HCN1: variants seen among roughly 807,000 people sequenced by gnomAD.
HCN1 encodes hyperpolarization activated cyclic nucleotide gated potassium channel 1, also known as potassium/sodium hyperpolarization-activated cyclic nucleotide-gated channel 1.
Under a neutral mutation model 78.9 loss-of-function variants are expected in HCN1, and 13 were observed. The ratio of observed to expected loss-of-function variants is 0.16; its 90% CI spans 0.11 to 0.26. The LOEUF is 0.26. Ranked by LOEUF, HCN1 falls within the 10% of genes least tolerant of loss-of-function variation. The pLI is 1.00. For synonymous variants in HCN1, 552 were observed against 455.5 expected, an observed-to-expected ratio of 1.21 and a Z score of -2.70; for missense variants, 810 against 1,154.3, an observed-to-expected ratio of 0.70 and a Z score of 4.32.
rs571015320 is a variant in HCN1, at chr5:45,430,071, A to C, written c.1011+31775T>G. The stretch of plus-strand genomic sequence containing the variant: ...AAAGAAATACAAACACAAAACAAAA[A>C]TCTTCCAATATATTATTTCTTATAA... On this transcript the variant is annotated intron_variant, in intron 3 of 7. Transcript: ENST00000303230. Among the ~76,000 whole-genome samples, 193 of 152,304 alleles carry C rather than the reference A, an allele frequency of 1.3e-3. 1 individual carries two copies. The highest frequency in any genetic ancestry group is 4.5e-3 in the African/African-American group (188 of 41,562).
chr5:45,441,421 G>A (rs1414132750), intron 3 of HCN1, among the ~76,000 whole-genome samples: 2 of 150,620 alleles, frequency 1.3e-5, no homozygotes, highest in East Asian at 3.9e-4. Flanking sequence ...AGGGAGGGAG[G>A]GAGGGAGGGA....
At chr5:45,514,214 T>C (rs559571604) in intron 2 of HCN1, among the ~76,000 whole-genome samples, 31 of 152,176 alleles carry the variant, frequency 2.0e-4, no homozygotes, top group Admixed American at 3.9e-4. Context: ...TGAATTCTGA[T>C]TGAAAACCTA....
At chr5:45,304,690 AT>A (rs1271933046) in intron 5 of HCN1, among the ~76,000 whole-genome samples, 4 of 152,252 alleles carry the variant, frequency 2.6e-5, no homozygotes, top group African/African-American at 9.6e-5. Context: ...GATTAAAAAA[AT>A]AAAATTATAA....
chr5:45,275,091 C>T lies in HCN1; in HGVS notation c.1619-7838G>A, dbSNP rs564944228. On this transcript the variant is annotated intron_variant, in intron 6 of 7. Transcript: ENST00000303230. ...TGAAACCCTGTCTCTACTAAAAATACAAAAAATTAGTGGGTATGTTGGCAG... is the reference window on the plus strand; with the variant it reads ...TGAAACCCTGTCTCTACTAAAAATATAAAAAATTAGTGGGTATGTTGGCAG... 4.0e-5 allele frequency among the ~76,000 whole-genome samples: 6 copies of T among 151,888 alleles called. No homozygotes were observed. The East Asian group carries it at 1.2e-3, about 29-fold the overall frequency.
chr5:45,316,687 T>G (rs186159973), intron 5 of HCN1, among the ~76,000 whole-genome samples: 11 of 152,194 alleles, frequency 7.2e-5, no homozygotes, highest in African/African-American at 2.2e-4. Flanking sequence ...CCCAAAATCT[T>G]CTTAAGCTGA....
chr5:45,598,240 A>G (rs1218178848), intron 2 of HCN1, among the ~76,000 whole-genome samples: 1 of 152,156 alleles, frequency 6.6e-6, no homozygotes, highest in African/African-American at 2.4e-5. Flanking sequence ...GGAACACAAC[A>G]GAGGCCTCAG....
chr5:45,631,685 A>G (rs1310021585), intron 2 of HCN1, among the ~76,000 whole-genome samples: 1 of 152,168 alleles, frequency 6.6e-6, no homozygotes, highest in Non-Finnish European at 1.5e-5. Flanking sequence ...CCCAAATTCT[A>G]TGAAATCTTT....
intron 5 of HCN1, among the ~76,000 whole-genome samples, chr5:45,329,277 A>C (rs751870220): frequency 2.6e-5 from 4 of 151,436 alleles, no homozygotes; most frequent in Non-Finnish European, 5.9e-5. Context: ...CCCCTTCCCC[A>C]GCCCCTGGTA....
intron 4 of HCN1, among the ~76,000 whole-genome samples, chr5:45,378,426 G>A (rs1024620049): frequency 3.9e-5 from 6 of 152,066 alleles, no homozygotes; most frequent in African/African-American, 1.4e-4. Context: ...CCATTCTGGA[G>A]TAACCGTATA....
At chr5:45,584,061 T>C (rs1397294353) in intron 2 of HCN1, among the ~76,000 whole-genome samples, 1 of 152,218 alleles carries the variant, frequency 6.6e-6, no homozygotes, top group Non-Finnish European at 1.5e-5. Context: ...GCTGCAGAGC[T>C]GAGTTCAATT....
At chr5:45,394,400 A>G (rs1739644146) in intron 4 of HCN1, among the ~76,000 whole-genome samples, 1 of 152,200 alleles carries the variant, frequency 6.6e-6, no homozygotes, top group South Asian at 2.1e-4. Flanking sequence ...CCTAAATAAA[A>G]AGATAATAAT....
intron 4 of HCN1, among the ~76,000 whole-genome samples, chr5:45,393,577 G>A (rs1241052281): frequency 6.6e-6 from 1 of 152,094 alleles, no homozygotes; most frequent in Admixed American, 6.6e-5. Context: ...ATCTATGGAG[G>A]CTTGGCATGA....
intron 1 of HCN1, among the ~76,000 whole-genome samples, chr5:45,681,806 C>T (rs935970838): frequency 1.3e-5 from 2 of 152,024 alleles, no homozygotes; most frequent in Non-Finnish European, 2.9e-5. Flanking sequence ...GATACATTCT[C>T]AACTTTATTT....
At chr5:45,281,579 CTTTTTTTTTTT>C (rs751307473) in intron 6 of HCN1, among the ~76,000 whole-genome samples, 2 of 81,664 alleles carry the variant, frequency 2.4e-5, no homozygotes, top group African/African-American at 4.8e-5. Context: ...CTCTTCTCTT[CTTTTTTTTTTT>C]TTTTTTTTTT....
intron 2 of HCN1, among the ~76,000 whole-genome samples, chr5:45,532,709 T>G (rs1476493688): frequency 6.6e-6 from 1 of 152,214 alleles, no homozygotes; most frequent in African/African-American, 2.4e-5. Context: ...CCTACAGTAC[T>G]TGTTGTCCTT....
intron 2 of HCN1, among the ~76,000 whole-genome samples, chr5:45,620,011 A>C (rs1345297767): frequency 1.3e-5 from 2 of 152,106 alleles, no homozygotes; most frequent in African/African-American, 4.8e-5. Flanking sequence ...AGTTATGTTG[A>C]TGTTATGTAA....
intron 4 of HCN1, among the ~76,000 whole-genome samples, chr5:45,366,975 A>C (rs2111999137): frequency 6.6e-6 from 1 of 151,932 alleles, no homozygotes; most frequent in African/African-American, 2.4e-5. Context: ...TCTATGTTTC[A>C]GATCCAAGTA....
intron 3 of HCN1, among the ~76,000 whole-genome samples, chr5:45,444,237 AATTACTAATCTGTCACAGTCT>A (rs1245550310): frequency 6.6e-6 from 1 of 152,194 alleles, no homozygotes; most frequent in African/African-American, 2.4e-5. Context: ...AAACAAAGTT[AATTACTAATCTGTCACAGTCT>A]TTATTTAAAT....
intron 4 of HCN1, among the ~76,000 whole-genome samples, chr5:45,374,046 T>C (rs1189978908): frequency 7.7e-5 from 7 of 91,218 alleles, no homozygotes; most frequent in Non-Finnish European, 1.5e-4. Flanking sequence ...ATAATATATA[T>C]TATATATATT....
Sources: allele counts gnomAD v4.1 joint callset (sites outside exome capture counted in the v4.1 genomes callset), GRCh38; gene constraint gnomAD v4.1.1; transcripts MANE v1.5; gene names NCBI Gene and HGNC (gene_info 2026-07-23, HGNC 2026-07-21).